SLC35F6: variants seen among roughly 807,000 people sequenced by gnomAD.
SLC35F6 encodes the protein solute carrier family 35 member F6, also known as ANT2-binding protein.
SLC35F6 carries 26 observed loss-of-function variants against 29.4 expected under a neutral mutation model. The ratio of observed to expected loss-of-function variants is 0.89; its 90% CI spans 0.65 to 1.23. The LOEUF (loss-of-function observed/expected upper bound fraction) is 1.23, where lower values mean the gene tolerates loss of function less well. Ranked by LOEUF, SLC35F6 falls within the 50% of genes most tolerant of loss-of-function variation. The pLI is 0.00. For missense variants in SLC35F6, 428 were observed against 487.8 expected (o/e 0.88, Z 1.15); for synonymous variants, 174 against 206.6 (o/e 0.84, Z 1.35).
In SLC35F6 at chr2:26,778,427, G is replaced by A. The variant is rs755473753; in HGVS notation, c.1032G>A (p.Leu344=). 6.2e-7 allele frequency: 1 copy of A among 1,614,130 alleles called. No homozygotes were observed. The highest frequency in any genetic ancestry group is 8.5e-7 in the Non-Finnish European group (1 of 1,180,022). The part of the protein sequence containing the change: ...NGLHRPLLGR[L]SRGRPLAEES... ...TACACCGTCCGCTGCTGGGCCGCCT[G>A]TCCAGGGGCCGGCCCCTGGCAGAGG... The change falls in exon 6 of 6, where the codon CTG becomes CTA. Residue 344 remains leucine (L), a synonymous_variant. Coordinates refer to ENST00000344420, the MANE Select transcript of SLC35F6 (RefSeq NM_017877.4).
intron 2 of SLC35F6, 107 bp downstream of exon 2, chr2:26,774,430 C>T: frequency 8.0e-7 from 1 of 1,252,182 alleles, no homozygotes; most frequent in South Asian, 1.4e-5. Context: ...GAGGTGTCTC[C>T]TGCTCCCAGA....
At chr2:26,774,567 C>T (rs1427653104) in intron 2 of SLC35F6, among the ~76,000 whole-genome samples, 2 of 152,220 alleles carry the variant, frequency 1.3e-5, no homozygotes, top group Admixed American at 6.5e-5. Flanking sequence ...AGTCAGGACA[C>T]GTGGAAAACA....
At chr2:26,777,994 G>T (rs756159127) in intron 5 of SLC35F6, 48 bp from the exon 6 acceptor site, 4 of 1,557,624 alleles carry the variant, frequency 2.6e-6, no homozygotes, top group Non-Finnish European at 3.5e-6. Context: ...GGCTGTGCTG[G>T]GGGTCTGGGG....
At position 26,780,825 on chromosome 2, in the gene SLC35F6, T is replaced by G. The variant is rs1273300232; in HGVS notation, c.*2314T>G. 2 of 152,152 alleles carry G rather than the reference T, an allele frequency of 1.3e-5. No homozygotes were observed. The highest frequency in any genetic ancestry group is 2.9e-5 in the Non-Finnish European group (2 of 68,074). 9.4% of individuals were successfully genotyped at this position (152,152 alleles called of 1,614,324 possible). On this transcript the variant is annotated 3_prime_UTR_variant, in exon 6 of 6. Transcript: ENST00000344420. ...ACAGTTGAGTGTGGCCTCAAACCATTCTCCTGGGTAGCTCAGTCATAAAAC... is the reference window on the plus strand; with the variant it reads ...ACAGTTGAGTGTGGCCTCAAACCATGCTCCTGGGTAGCTCAGTCATAAAAC...
chr2:26,764,955 A>G, intron 1 of SLC35F6: 1 of 985,452 alleles, frequency 1.0e-6, no homozygotes, highest in Non-Finnish European at 1.2e-6. Flanking sequence ...AAGTCTACGG[A>G]AAGGCCAGAT....
chr2:26,778,506 A>T lies in SLC35F6; in HGVS notation c.1111A>T (p.Ser371Cys). ...GGTRTPINDAS is the reference protein window; with the variant it reads ...GGTRTPINDAC ...CACCCGCACTCCCATCAATGATGCC[A>T]GCTGAGGTTCCCTGGAGGCTTCTAC... Residue 371 changes from serine to cysteine, a missense_variant, in exon 6 of 6, where the codon AGC becomes TGC. Ser to Cys is a moderately radical substitution (Grantham distance 112). Transcript: ENST00000344420. 3 of 1,596,256 alleles carry T rather than the reference A, an allele frequency of 1.9e-6. No individual in the cohort carries two copies. Among genetic ancestry groups the T allele is most frequent in the Non-Finnish European group, 2.6e-6 (3 of 1,171,502 alleles).
At chr2:26,774,211 G>A in intron 1 of SLC35F6, 40 bp from the exon 2 acceptor site, 1 of 1,611,234 alleles carries the variant, frequency 6.2e-7, no homozygotes, top group Non-Finnish European at 8.5e-7. Flanking sequence ...CACCAGGGTA[G>A]GATGCTGACA....
At position 26,775,354 on chromosome 2, in the gene SLC35F6, G is replaced by T; in HGVS notation, c.323-110G>T. On this transcript the variant is annotated intron_variant, in intron 3 of 5. Transcript: ENST00000344420. This position sits in a 1 kb window ranked among gnomAD's most constrained non-coding sequence, Gnocchi z 4.6. The stretch of plus-strand genomic sequence containing the variant: ...TTCACACGCACAGGCACACAGGCAG[G>T]ACTGATCGAGCGCTTACTATGAGCT... 1 of 1,520,550 alleles carries T rather than the reference G, an allele frequency of 6.6e-7. No homozygotes were observed. The highest frequency in any genetic ancestry group is 8.9e-7 in the Non-Finnish European group (1 of 1,126,418). The allele number at this position is 1,520,550 out of a possible 1,614,324, so 94.2% of individuals were successfully genotyped here. A position where few individuals can be genotyped will look rare whatever the true frequency, so the allele number is the denominator to read the frequency against.
rs941734916 is a variant in SLC35F6 at position 26,778,168 on chromosome 2, A to G, written c.773A>G (p.Gln258Arg). ...DALDAFCQVG[Q>R]QPLIAVALLG... is the part of the protein sequence containing the mutation. ...TTGGACGCCTTCTGCCAGGTGGGCC[A>G]GCAGCCGCTCATTGCCGTGGCACTG... The change falls in exon 6 of 6, where the codon CAG becomes CGG. Residue 258 changes from glutamine to arginine, a missense_variant. Gln to Arg is a conservative substitution (Grantham distance 43). Coordinates refer to ENST00000344420, the MANE Select transcript of SLC35F6 (RefSeq NM_017877.4). The G allele has an allele frequency of 6.2e-7, 1 of 1,614,218 alleles. No homozygotes were observed. Among genetic ancestry groups the G allele is most frequent in the African/African-American group, 1.3e-5 (1 of 75,066 alleles).
intron 1 of SLC35F6, among the ~76,000 whole-genome samples, chr2:26,773,657 G>A (rs1664243330): frequency 6.8e-6 from 1 of 148,056 alleles, no homozygotes. Context: ...CCATCACCTA[G>A]GCTGGAGTGC....
rs547240385 is a variant in SLC35F6 at position 26,781,016 on chromosome 2, T to G, written c.*2505T>G. 1 of 152,196 alleles carries G rather than the reference T, an allele frequency of 6.6e-6. No individual in the cohort carries two copies. The allele number at this position is 152,196 out of a possible 1,614,324, so 9.4% of individuals were successfully genotyped here. On this transcript the variant is annotated 3_prime_UTR_variant, in exon 6 of 6. Transcript: ENST00000344420. ...TCCCCTCAGCTTCACTGGGCCACAGTGTCTGTCCCAGGAAGAAGCAAATGG... is the reference window on the plus strand; with the variant it reads ...TCCCCTCAGCTTCACTGGGCCACAGGGTCTGTCCCAGGAAGAAGCAAATGG...
In SLC35F6 at chr2:26,778,201, ACAT is replaced by A. The variant is rs1364360136; in HGVS notation, c.809_811del (p.Ile270del). On this transcript the variant is annotated inframe_deletion, in exon 6 of 6. Coordinates refer to ENST00000344420, the MANE Select transcript of SLC35F6 (RefSeq NM_017877.4). ...CTCATTGCCGTGGCACTGCTGGGCA[ACAT>A]CAGCAGCATTGCCTTCTTCAACTTC... 2.5e-6 allele frequency: 4 copies of A among 1,614,192 alleles called. No homozygotes were observed. The highest frequency in any genetic ancestry group is 3.3e-5 in the Admixed American group (2 of 60,018).
chr2:26,775,136 C>A lies in SLC35F6; in HGVS notation c.243C>A (p.Asp81Glu), dbSNP rs903795801. 2 of 1,614,134 alleles carry A rather than the reference C, an allele frequency of 1.2e-6. No homozygotes were observed. Among genetic ancestry groups the A allele is most frequent in the Non-Finnish European group, 1.7e-6 (2 of 1,180,034 alleles). The part of the protein sequence containing the change: ...RAAGQSDSSV[D>E]PQQPFNPLLF... The stretch of plus-strand genomic sequence containing the variant: ...CAGGGCAATCAGACTCCAGCGTAGA[C>A]CCCCAGCAGCCCTTCAACCCTCTTC... The change falls in exon 3 of 6, where the codon GAC becomes GAA. Residue 81 changes from aspartate to glutamate, a missense_variant. Transcript: ENST00000344420. This position sits in a 1 kb window ranked among gnomAD's most constrained non-coding sequence, Gnocchi z 4.6.
chr2:26,769,752 G>A (rs578105564), intron 1 of SLC35F6, among the ~76,000 whole-genome samples: 3 of 152,202 alleles, frequency 2.0e-5, no homozygotes, highest in Admixed American at 6.5e-5. Flanking sequence ...AGGCTGAAGG[G>A]GAGCTGGGGC....
In SLC35F6 at chr2:26,775,916, T is replaced by C. The variant is rs940429073; in HGVS notation, c.535+240T>C. ...TTGTCCTTTGATACAGATGCAGACA[T>C]GCAAACTACTGGATTTGGGAGTGGA... On this transcript the variant is annotated intron_variant, in intron 4 of 5. Transcript: ENST00000344420. The surrounding 1 kb of genome is among the most constrained non-coding windows in gnomAD (Gnocchi z 4.6). Among the ~76,000 whole-genome samples, 1 of 152,020 alleles carries C rather than the reference T, an allele frequency of 6.6e-6. No individual in the cohort carries two copies. Among genetic ancestry groups the C allele is most frequent in the Admixed American group, 6.5e-5 (1 of 15,272 alleles).
In SLC35F6 at chr2:26,778,221, T is replaced by C. The variant is rs1300749125; in HGVS notation, c.826T>C (p.Phe276Leu). 6.2e-7 allele frequency: 1 copy of C among 1,614,174 alleles called. No homozygotes were observed. The highest frequency in any genetic ancestry group is 1.7e-5 in the Admixed American group (1 of 60,026). ...GGGCAACATCAGCAGCATTGCCTTC[T>C]TCAACTTCGCAGGCATCAGCGTCAC... is the stretch of plus-strand genomic sequence containing the variant. ...LLGNISSIAF[F>L]NFAGISVTKE... Residue 276 changes from phenylalanine to leucine, a missense_variant, in exon 6 of 6, where the codon TTC (phenylalanine) becomes CTC (leucine). Transcript: ENST00000344420.
chr2:26,778,528 C>T lies in SLC35F6; in HGVS notation c.*17C>T. On this transcript the variant is annotated 3_prime_UTR_variant, in exon 6 of 6. Transcript: ENST00000344420. Reference sequence around the variant, plus strand: ...GCCAGCTGAGGTTCCCTGGAGGCTTCTACTGCCACCCGGGTGCTCCTTCTC... The same window carrying T: ...GCCAGCTGAGGTTCCCTGGAGGCTTTTACTGCCACCCGGGTGCTCCTTCTC... 6.4e-7 allele frequency: 1 copy of T among 1,564,506 alleles called. No individual in the cohort carries two copies. Among genetic ancestry groups the T allele is most frequent in the Non-Finnish European group, 8.6e-7 (1 of 1,158,192 alleles).
In SLC35F6 at chr2:26,779,983, T is replaced by A. The variant is rs1466537571; in HGVS notation, c.*1472T>A. 4 of 151,952 alleles carry A rather than the reference T, an allele frequency of 2.6e-5. No homozygotes were observed. Among genetic ancestry groups the A allele is most frequent in the Admixed American group, 1.3e-4 (2 of 15,232 alleles). 9.4% of individuals were successfully genotyped at this position (151,952 alleles called of 1,614,324 possible). On this transcript the variant is annotated 3_prime_UTR_variant, in exon 6 of 6. Transcript: ENST00000344420. ...ACCATGCCTGGTTTATTGTTTTATT[T>A]TTTTGGCAGAGATGGGTCTCACTGT...
At chr2:26,766,983 A>G (rs1664107351) in intron 1 of SLC35F6, among the ~76,000 whole-genome samples, 1 of 152,186 alleles carries the variant, frequency 6.6e-6, no homozygotes, top group Non-Finnish European at 1.5e-5. Context: ...GAGTTGTTAA[A>G]AGCATAGAAA....
Sources: gnomAD v4.1 joint callset for allele counts (sites outside exome capture counted in the v4.1 genomes callset) on GRCh38, gnomAD v4.1.1 for gene constraint, Gnocchi (gnomAD v3.1) non-coding constraint, MANE v1.5 for transcripts, NCBI Gene and HGNC (gene_info 2026-07-23, HGNC 2026-07-21) for gene names.